Variants in SNRPG observed in about 807,000 individuals in gnomAD.
SNRPG encodes small nuclear ribonucleoprotein polypeptide G.
SNRPG carries 3 observed loss-of-function variants against 13.9 expected under a neutral mutation model. The observed-to-expected ratio is 0.22, with a 90% CI of 0.10 to 0.56. The LOEUF is 0.56. Ranked by LOEUF, SNRPG falls within the 20% of genes least tolerant of loss-of-function variation. The pLI, the probability that SNRPG is intolerant of heterozygous loss-of-function variation, is 0.93. For missense variants in SNRPG, 34 were observed against 96.1 expected (o/e 0.35, Z 2.70); for synonymous variants, 29 against 29.3 (o/e 0.99, Z 0.03).
chr2:70,285,608 G>C (rs1007457526), intron 3 of SNRPG, among the ~76,000 whole-genome samples: 3 of 152,092 alleles, frequency 2.0e-5, no homozygotes, highest in Non-Finnish European at 2.9e-5. Context: ...ACAGAAATTT[G>C]TGCATAGGGT....
chr2:70,281,564 A>G lies in SNRPG; in HGVS notation c.*70T>C. 1 of 822,600 alleles carries G rather than the reference A, an allele frequency of 1.2e-6. No individual in the cohort carries two copies. Among genetic ancestry groups the G allele is most frequent in the East Asian group, 2.8e-5 (1 of 36,340 alleles). 51.0% of individuals were successfully genotyped at this position (822,600 alleles called of 1,614,324 possible). On this transcript the variant is annotated 3_prime_UTR_variant, in exon 4 of 4. Transcript: ENST00000272348. Reference sequence around the variant, plus strand: ...TCTAATATGAAAATGTACATGACCTAATTTTTACATCATAGTAAAACAGGC... The same window carrying G: ...TCTAATATGAAAATGTACATGACCTGATTTTTACATCATAGTAAAACAGGC...
intron 3 of SNRPG, 58 bp downstream of exon 3, chr2:70,288,010 A>T: frequency 3.3e-6 from 5 of 1,528,762 alleles, no homozygotes; most frequent in Non-Finnish European, 4.5e-6. Context: ...CAGGAAAGTT[A>T]ATACACATTC....
intron 2 of SNRPG, among the ~76,000 whole-genome samples, chr2:70,289,117 A>AT (rs910632107): frequency 4.6e-5 from 7 of 151,400 alleles, no homozygotes; most frequent in East Asian, 1.9e-4. Flanking sequence ...CACCCGGCTA[A>AT]TTTTTTTTTG....
intron 1 of SNRPG, chr2:70,292,967 G>C (rs981338725): frequency 5.1e-6 from 3 of 591,090 alleles, no homozygotes; most frequent in Non-Finnish European, 9.0e-6. Flanking sequence ...TACTGGGTGT[G>C]TAGAAAAAAC....
At chr2:70,293,542 C>G (rs370306808) in intron 1 of SNRPG, 76 bp downstream of exon 1, 31 of 1,232,952 alleles carry the variant, frequency 2.5e-5, no homozygotes, top group Non-Finnish European at 3.7e-5. Flanking sequence ...AGACATTCGG[C>G]TAACGGAGAG....
chr2:70,288,654 T>C (rs1697003007), intron 2 of SNRPG, among the ~76,000 whole-genome samples: 1 of 152,210 alleles, frequency 6.6e-6, no homozygotes, highest in African/African-American at 2.4e-5. Context: ...CATGGTTTTT[T>C]CCCCTACATA....
chr2:70,283,125 C>CAAAAAAAAAAAAAAAA (rs1176330727), intron 3 of SNRPG, among the ~76,000 whole-genome samples: 1 of 53,202 alleles, frequency 1.9e-5, no homozygotes, highest in African/African-American at 6.4e-5. Flanking sequence ...AAAAAAAAAA[C>CAAAAAAAAAAAAAAAA]AACAAACCAA....
At chr2:70,292,815 C>A in intron 1 of SNRPG, 1 of 277,968 alleles carries the variant, frequency 3.6e-6, no homozygotes, top group Non-Finnish European at 6.9e-6. Context: ...AGAATTCCAG[C>A]ATCAGGAAGT....
chr2:70,288,004 A>G, intron 3 of SNRPG, 64 bp downstream of exon 3: 2 of 1,513,992 alleles, frequency 1.3e-6, no homozygotes, highest in African/African-American at 1.4e-5. Context: ...ACTAACCAGG[A>G]AAGTTAATAC....
At chr2:70,288,633 C>A (rs1185600317) in intron 2 of SNRPG, among the ~76,000 whole-genome samples, 1 of 152,200 alleles carries the variant, frequency 6.6e-6, no homozygotes, top group Non-Finnish European at 1.5e-5. Flanking sequence ...AGGCTGCTTA[C>A]CTCTAACGCT....
At chr2:70,291,114 C>G (rs148596598) in intron 1 of SNRPG, among the ~76,000 whole-genome samples, 1 of 151,878 alleles carries the variant, frequency 6.6e-6, no homozygotes, top group East Asian at 1.9e-4. Context: ...AAATATAACA[C>G]ACAAGATCTT....
intron 1 of SNRPG, among the ~76,000 whole-genome samples, chr2:70,289,603 G>A (rs1697029229): frequency 6.6e-6 from 1 of 152,172 alleles, no homozygotes; most frequent in African/African-American, 2.4e-5. Context: ...CTTGAGCTCA[G>A]GAGTTGAGAC....
At chr2:70,285,797 C>T (rs1696929296) in intron 3 of SNRPG, among the ~76,000 whole-genome samples, 1 of 152,092 alleles carries the variant, frequency 6.6e-6, no homozygotes, top group Non-Finnish European at 1.5e-5. Context: ...GAAGGACAAC[C>T]CTAGCAAGAG....
chr2:70,285,255 CTG>C (rs1696911527), intron 3 of SNRPG, among the ~76,000 whole-genome samples: 1 of 152,104 alleles, frequency 6.6e-6, no homozygotes, highest in South Asian at 2.1e-4. Context: ...AATCTTCTAT[CTG>C]TGAGATTGTG....
chr2:70,283,550 T>G (rs976333869), intron 3 of SNRPG, among the ~76,000 whole-genome samples: 3 of 152,190 alleles, frequency 2.0e-5, no homozygotes, highest in African/African-American at 7.2e-5. Context: ...CAAATGTAAA[T>G]TTTATGAGGG....
intron 3 of SNRPG, chr2:70,287,721 C>A (rs1696978194): frequency 2.5e-6 from 1 of 392,312 alleles, no homozygotes; most frequent in Non-Finnish European, 4.6e-6. Flanking sequence ...GAAGTAGAAT[C>A]TTCATTTTAA....
In SNRPG at chr2:70,293,176, T is replaced by G. The variant is rs890323447; in HGVS notation, c.32+442A>C. 11 of 702,318 alleles carry G rather than the reference T, an allele frequency of 1.6e-5. No homozygotes were observed. The Admixed American group carries it at 2.2e-4, about 14-fold the overall frequency. 43.5% of individuals were successfully genotyped at this position (702,318 alleles called of 1,614,324 possible). A position where few individuals can be genotyped will look rare whatever the true frequency, so the allele number is the denominator to read the frequency against. On this transcript the variant is annotated intron_variant, in intron 1 of 3. Coordinates refer to ENST00000272348, the MANE Select transcript of SNRPG (RefSeq NM_003096.4). ...ACAAACACATTTGCTAAGACTAAAGTGGCTTTCGGATTCTGATGCCTCACG... is the reference window on the plus strand; with the variant it reads ...ACAAACACATTTGCTAAGACTAAAGGGGCTTTCGGATTCTGATGCCTCACG...
intron 1 of SNRPG, 179 bp downstream of exon 1, chr2:70,293,439 G>A: frequency 1.4e-6 from 1 of 691,748 alleles, no homozygotes; most frequent in Non-Finnish European, 2.7e-6. Flanking sequence ...ACCGACGCGC[G>A]AGCTCTGCGC....
chr2:70,291,266 T>C (rs1697089501), intron 1 of SNRPG: 1 of 152,200 alleles, frequency 6.6e-6, no homozygotes, highest in Non-Finnish European at 1.5e-5. Flanking sequence ...TCAGTGTGAC[T>C]GGAGAACGGA....
Sources: allele counts gnomAD v4.1 joint callset (sites outside exome capture counted in the v4.1 genomes callset), GRCh38; gene constraint gnomAD v4.1.1; transcripts MANE v1.5; gene names NCBI Gene and HGNC (gene_info 2026-07-23, HGNC 2026-07-21).